RPH3A: variants seen among roughly 807,000 people sequenced by gnomAD.
RPH3A encodes the protein rabphilin 3A, also known as rabphilin-3A.
In RPH3A, 48 loss-of-function variants were observed where a neutral mutation model predicts 102.2. The ratio of observed to expected loss-of-function variants is 0.47; its 90% confidence interval spans 0.37 to 0.60. The LOEUF is 0.60. RPH3A is among the 20% of genes least tolerant of loss of function. RPH3A has a pLI of 0.00. For missense variants in RPH3A, 781 were observed against 910.1 expected (o/e 0.86, Z 1.83); for synonymous variants, 310 against 324.3 (o/e 0.96, Z 0.47).
At chr12:112,767,170 G>C (rs917212831) in intron 1 of RPH3A, among the ~76,000 whole-genome samples, 1 of 152,186 alleles carries the variant, frequency 6.6e-6, no homozygotes, top group Admixed American at 6.5e-5. Context: ...GGTTTTCCCA[G>C]TGGCCCAGAG....
chr12:112,883,748 A>T (rs1417092580), intron 16 of RPH3A, among the ~76,000 whole-genome samples: 1 of 152,214 alleles, frequency 6.6e-6, no homozygotes, highest in Non-Finnish European at 1.5e-5. Context: ...TCATTAGTAC[A>T]TCTGTATCAC....
At chr12:112,725,109 C>T (rs2040577648) in intron 1 of RPH3A, among the ~76,000 whole-genome samples, 1 of 151,642 alleles carries the variant, frequency 6.6e-6, no homozygotes, top group Admixed American at 6.6e-5. Context: ...ATTAGCCGGG[C>T]ATGGTGGCAT....
chr12:112,734,782 T>C (rs1440489491), intron 1 of RPH3A, among the ~76,000 whole-genome samples: 1 of 152,242 alleles, frequency 6.6e-6, no homozygotes, highest in Non-Finnish European at 1.5e-5. Context: ...CTGTAAACTG[T>C]CATGACACTG....
chr12:112,852,678 C>T (rs998366045), intron 5 of RPH3A, among the ~76,000 whole-genome samples: 3 of 152,186 alleles, frequency 2.0e-5, no homozygotes, highest in Admixed American at 6.5e-5. Flanking sequence ...GCTAGACACA[C>T]GTGGCTGCTG....
At chr12:112,793,142 AG>A (rs2041157358) in intron 2 of RPH3A, among the ~76,000 whole-genome samples, 1 of 152,152 alleles carries the variant, frequency 6.6e-6, no homozygotes, top group South Asian at 2.1e-4. Flanking sequence ...TGATGGGGAA[AG>A]GCTGCACCAA....
chr12:112,688,576 A>T (rs1166150482), intron 1 of RPH3A, among the ~76,000 whole-genome samples: 2 of 152,188 alleles, frequency 1.3e-5, no homozygotes, highest in African/African-American at 4.8e-5. Context: ...GTCTATAAGG[A>T]TATTCCCTGC....
At chr12:112,813,180 C>T (rs1319686134) in intron 2 of RPH3A, 2 of 152,192 alleles carry the variant, frequency 1.3e-5, no homozygotes, top group South Asian at 2.1e-4. Context: ...CAGCTCAGCA[C>T]CTCTCAGCCT....
intron 1 of RPH3A, among the ~76,000 whole-genome samples, chr12:112,696,350 A>T (rs1023689363): frequency 2.0e-5 from 3 of 152,226 alleles, no homozygotes; most frequent in African/African-American, 7.2e-5. Flanking sequence ...GTAGATACTC[A>T]GTAGTGAGAT....
At chr12:112,795,988 A>G (rs2041220595) in intron 2 of RPH3A, among the ~76,000 whole-genome samples, 1 of 152,160 alleles carries the variant, frequency 6.6e-6, no homozygotes, top group Admixed American at 6.5e-5. Context: ...TAGCTGTATG[A>G]CTCACAAGAG....
At chr12:112,776,882 A>G (rs1213917665) in intron 1 of RPH3A, among the ~76,000 whole-genome samples, 1 of 7,338 alleles carries the variant, frequency 1.4e-4, no homozygotes, top group Non-Finnish European at 2.7e-4. Context: ...TCAAAAAAAA[A>G]AAAAAAAAAA....
intron 1 of RPH3A, among the ~76,000 whole-genome samples, chr12:112,590,292 G>A (rs558656149): frequency 6.6e-6 from 1 of 152,318 alleles, no homozygotes; most frequent in Non-Finnish European, 1.5e-5. Context: ...TGGCATTTCA[G>A]TGTGGCTGTT....
chr12:112,856,957 G>GGCCAGCAATATCTGGAGTGA (rs750225011), intron 5 of RPH3A, among the ~76,000 whole-genome samples: 18 of 152,018 alleles, frequency 1.2e-4, no homozygotes, highest in Non-Finnish European at 2.4e-4. Context: ...CCAGATATAG[G>GGCCAGCAATATCTGGAGTGA]GCCAGGCAAG....
intron 21 of RPH3A, among the ~76,000 whole-genome samples, chr12:112,896,408 A>T (rs956444487): frequency 6.6e-6 from 1 of 152,172 alleles, no homozygotes; most frequent in Admixed American, 6.5e-5. Flanking sequence ...AAGCCTTTAA[A>T]AATAGACAGT....
chr12:112,664,741 C>G (rs2040072701), intron 1 of RPH3A, among the ~76,000 whole-genome samples: 1 of 152,108 alleles, frequency 6.6e-6, no homozygotes, highest in African/African-American at 2.4e-5. Flanking sequence ...TGCTTTGTGT[C>G]ACATCCCCTC....
Position 112,895,849 on chromosome 12 carries a change from A to G in RPH3A, c.1930A>G (p.Ile644Val), listed in dbSNP as rs781269477. The G allele has an allele frequency of 2.4e-5, 38 of 1,613,544 alleles. No homozygotes were observed. The highest frequency in any genetic ancestry group is 1.0e-4 in the Admixed American group (6 of 60,012). ...SLDISVWDYD[I>V]GKSNDYIGGC... ...GGACATTTCAGTCTGGGACTATGAC[A>G]TCGGCAAGTCCAATGATTACATCGG... Residue 644 changes from isoleucine to valine, a missense_variant, in exon 21 of 22, where the codon ATC becomes GTC. By Grantham distance (29) the Ile-to-Val change is conservative. Coordinates refer to ENST00000389385, the MANE Select transcript of RPH3A (RefSeq NM_001143854.2).
At chr12:112,731,608 A>G (rs2040634731) in intron 1 of RPH3A, among the ~76,000 whole-genome samples, 2 of 152,348 alleles carry the variant, frequency 1.3e-5, no homozygotes, top group Non-Finnish European at 2.9e-5. Context: ...GAGGCCCTCA[A>G]CAGCCTCCTG....
At chr12:112,753,130 C>T (rs1327982509) in intron 1 of RPH3A, among the ~76,000 whole-genome samples, 1 of 152,116 alleles carries the variant, frequency 6.6e-6, no homozygotes, top group African/African-American at 2.4e-5. Context: ...GAGATGTAAT[C>T]TCTGTCCTCA....
Position 112,670,831 on chromosome 12 carries a change from A to C in RPH3A, c.-140+95512A>C, listed in dbSNP as rs568390317. Among the ~76,000 whole-genome samples, 9 of 152,314 alleles carry C rather than the reference A, an allele frequency of 5.9e-5. No homozygotes were observed. The South Asian group carries it at 1.9e-3, about 32-fold the overall frequency. ...CACAGGTTTGGGGTTGCACACCATC[A>C]CTTTCATGACACTTCAGTGGCCAAA... On this transcript the variant is annotated intron_variant, in intron 1 of 21. Coordinates refer to the RPH3A transcript ENST00000543106.
chr12:112,786,275 G>A (rs1012054686), intron 1 of RPH3A, among the ~76,000 whole-genome samples: 3 of 152,224 alleles, frequency 2.0e-5, no homozygotes, highest in African/African-American at 7.2e-5. Flanking sequence ...TTCCTAAGGA[G>A]GTTAGTGGGC....
Sources: gnomAD v4.1 joint callset for allele counts (sites outside exome capture counted in the v4.1 genomes callset) on GRCh38, gnomAD v4.1.1 for gene constraint, MANE v1.5 for transcripts, NCBI Gene and HGNC (gene_info 2026-07-23, HGNC 2026-07-21) for gene names.